LRP1B: variants seen among roughly 807,000 people sequenced by gnomAD.
LRP1B encodes the protein low-density lipoprotein receptor-related protein 1B.
A neutral mutation model predicts 556.6 loss-of-function variants in LRP1B; 217 were observed. That is an observed-to-expected ratio of 0.39 (90% CI 0.35 to 0.44). The LOEUF (loss-of-function observed/expected upper bound fraction) is 0.44. Among genes scored for constraint, LRP1B ranks in the 20% least tolerant of loss-of-function variants. The pLI is 1.00. For synonymous variants in LRP1B, 2,047 were observed against 1,865.8 expected, an observed-to-expected ratio of 1.10 and a Z score of -2.50; for missense variants, 5,053 against 5,620.8, an observed-to-expected ratio of 0.90 and a Z score of 3.23.
At chr2:140,926,482 C>T (rs1180328251) in intron 20 of LRP1B, among the ~76,000 whole-genome samples, 2 of 151,984 alleles carry the variant, frequency 1.3e-5, no homozygotes, top group African/African-American at 4.8e-5. Context: ...GCTGGGACCA[C>T]AGGTGTGTGC....
intron 2 of LRP1B, among the ~76,000 whole-genome samples, chr2:141,621,960 C>T (rs995573341): frequency 1.3e-5 from 2 of 152,086 alleles, no homozygotes; most frequent in Non-Finnish European, 2.9e-5. Context: ...GGAATCATCT[C>T]GGCTCATGGC....
At chr2:140,941,614 A>G (rs1422059390) in intron 20 of LRP1B, among the ~76,000 whole-genome samples, 2 of 152,188 alleles carry the variant, frequency 1.3e-5, no homozygotes, top group Non-Finnish European at 2.9e-5. Flanking sequence ...AAACAAAAAC[A>G]TACTGCTTCA....
chr2:142,120,335 C>T (rs1707416931), intron 1 of LRP1B, among the ~76,000 whole-genome samples: 1 of 152,194 alleles, frequency 6.6e-6, no homozygotes, highest in Non-Finnish European at 1.5e-5. Flanking sequence ...TGGTCTCAAA[C>T]TCCTGCCTTC....
At chr2:142,005,609 T>G (rs1192141092) in intron 1 of LRP1B, among the ~76,000 whole-genome samples, 1 of 152,170 alleles carries the variant, frequency 6.6e-6, no homozygotes, top group Non-Finnish European at 1.5e-5. Flanking sequence ...TAATGATGAA[T>G]AAAAGAAAAG....
At chr2:140,311,791 T>G (rs1365968426) in intron 83 of LRP1B, among the ~76,000 whole-genome samples, 1 of 151,616 alleles carries the variant, frequency 6.6e-6, no homozygotes, top group Non-Finnish European at 1.5e-5. Flanking sequence ...ATATCTTCAT[T>G]TAAATGAGAA....
intron 2 of LRP1B, among the ~76,000 whole-genome samples, chr2:141,723,408 C>T (rs1165864243): frequency 6.6e-6 from 1 of 150,820 alleles, no homozygotes; most frequent in Non-Finnish European, 1.5e-5. Context: ...ATTATAGTTG[C>T]CTCACATGTT....
At chr2:141,053,104 A>G (rs1218598467) in intron 10 of LRP1B, among the ~76,000 whole-genome samples, 2 of 152,060 alleles carry the variant, frequency 1.3e-5, no homozygotes, top group Non-Finnish European at 2.9e-5. Flanking sequence ...GGTATTCTTT[A>G]ATACCTACTT....
At chr2:141,482,602 C>A (rs1682964760) in intron 2 of LRP1B, among the ~76,000 whole-genome samples, 1 of 151,322 alleles carries the variant, frequency 6.6e-6, no homozygotes, top group African/African-American at 2.4e-5. Flanking sequence ...TCACTGAGTG[C>A]CTCTAACTAT....
At chr2:140,234,543 A>G (rs904327538) in intron 90 of LRP1B, among the ~76,000 whole-genome samples, 1 of 151,342 alleles carries the variant, frequency 6.6e-6, no homozygotes, top group Non-Finnish European at 1.5e-5. Context: ...GTAAAGGGAC[A>G]ATAACATTTC....
chr2:141,252,796 A>G (rs1684311886), intron 4 of LRP1B, among the ~76,000 whole-genome samples: 1 of 152,108 alleles, frequency 6.6e-6, no homozygotes, highest in Non-Finnish European at 1.5e-5. Context: ...TTAAAGACAG[A>G]GGGCTACCTG....
chr2:141,749,701 A>G (rs368868870), intron 2 of LRP1B, among the ~76,000 whole-genome samples: 3 of 152,270 alleles, frequency 2.0e-5, no homozygotes, highest in African/African-American at 7.2e-5. Context: ...AATAGAACTG[A>G]GTCAGATTAA....
chr2:140,393,953 A>G (rs1265923232), intron 66 of LRP1B, among the ~76,000 whole-genome samples: 2 of 151,872 alleles, frequency 1.3e-5, no homozygotes, highest in Non-Finnish European at 2.9e-5. Flanking sequence ...CATTTTAAAC[A>G]CTCCTCAACG....
chr2:140,870,617 G>A (rs2105161336), intron 25 of LRP1B, among the ~76,000 whole-genome samples: 1 of 152,246 alleles, frequency 6.6e-6, no homozygotes, highest in Middle Eastern at 3.4e-3. Flanking sequence ...AAAAGAGAAA[G>A]TAATGTTGCA....
In LRP1B at chr2:140,442,513, C is replaced by T. The variant is rs144998818; in HGVS notation, c.10405G>A (p.Ala3469Thr). Reference sequence around the variant, plus strand: ...AGTCACAGACACTCACCGCAGTTGGCCTCGTCTGATGCATCTGCACAGTCT... The same window carrying T: ...AGTCACAGACACTCACCGCAGTTGGTCTCGTCTGATGCATCTGCACAGTCT... Reference protein sequence around the residue: ...DPDCADASDEANCDKKTCGPH... With the variant: ...DPDCADASDETNCDKKTCGPH... The change falls in exon 66 of 91, where the codon GCC becomes ACC. Residue 3469 changes from alanine to threonine, a missense_variant. Ala to Thr is a moderately conservative substitution (Grantham distance 58). This residue lies in a region of LRP1B where 262 missense variants were observed against 395.1 expected (regional missense o/e 0.66). Coordinates refer to ENST00000389484, the MANE Select transcript of LRP1B (RefSeq NM_018557.3). 2.4e-4 allele frequency: 388 copies of T among 1,612,418 alleles called. 2 individuals carry two copies. In the African/African-American group the frequency reaches 4.4e-3, roughly 18 times the overall value.
intron 3 of LRP1B, among the ~76,000 whole-genome samples, chr2:141,341,095 A>G (rs571190800): frequency 8.6e-4 from 131 of 152,316 alleles, no homozygotes; most frequent in African/African-American, 3.0e-3. Flanking sequence ...TGAGTTACTT[A>G]TATTAATCCA....
At chr2:140,322,228 T>A in intron 81 of LRP1B, 140 bp from the exon 82 acceptor site, 1 of 737,476 alleles carries the variant, frequency 1.4e-6, no homozygotes, top group South Asian at 1.8e-5. Context: ...GTGGAGTATC[T>A]CACTCAATAT....
At chr2:140,545,452 C>T (rs956290012) in intron 43 of LRP1B, among the ~76,000 whole-genome samples, 1 of 151,818 alleles carries the variant, frequency 6.6e-6, no homozygotes, top group African/African-American at 2.4e-5. Flanking sequence ...CATTTTGAGT[C>T]AGTTTTTGTA....
At chr2:141,173,393 G>T (rs562622795) in intron 7 of LRP1B, among the ~76,000 whole-genome samples, 2 of 152,046 alleles carry the variant, frequency 1.3e-5, no homozygotes, top group South Asian at 4.2e-4. Context: ...ACTATGTTCA[G>T]ATAGCCATTA....
At chr2:141,051,741 ATTGT>A (rs1699041908) in intron 10 of LRP1B, among the ~76,000 whole-genome samples, 1 of 151,974 alleles carries the variant, frequency 6.6e-6, no homozygotes, top group African/African-American at 2.4e-5. Context: ...CCAGCAGCAG[ATTGT>A]TTAATTTTGC....
Sources: allele counts gnomAD v4.1 joint callset (sites outside exome capture counted in the v4.1 genomes callset), GRCh38; gene constraint gnomAD v4.1.1; regional missense constraint gnomAD v4.1.1; transcripts MANE v1.5; gene names NCBI Gene and HGNC (gene_info 2026-07-23, HGNC 2026-07-21).